The following CAMTA1 variants were observed in gnomAD, a reference collection of about 807,000 sequenced individuals.
CAMTA1 encodes calmodulin-binding transcription activator 1.
A neutral mutation model predicts 170.9 loss-of-function variants in CAMTA1; 27 were observed. The ratio of observed to expected loss-of-function variants is 0.16; its 90% CI spans 0.12 to 0.22. The LOEUF (loss-of-function observed/expected upper bound fraction) is 0.22. Ranked by LOEUF, CAMTA1 falls within the 10% of genes least tolerant of loss-of-function variation. The pLI is 1.00. For synonymous variants in CAMTA1, 833 were observed against 891.5 expected (o/e 0.93, Z 1.17); for missense variants, 1,619 against 2,217.2 (o/e 0.73, Z 5.42).
chr1:7,479,914 TG>T (rs973714213), intron 6 of CAMTA1, among the ~76,000 whole-genome samples: 32 of 120,910 alleles, frequency 2.6e-4, no homozygotes, highest in African/African-American at 1.2e-3. Flanking sequence ...TGTGTGTGCA[TG>T]TGTGTGAATG....
intron 4 of CAMTA1, among the ~76,000 whole-genome samples, chr1:7,166,722 A>G (rs1648524883): frequency 6.6e-6 from 1 of 150,404 alleles, no homozygotes; most frequent in African/African-American, 2.5e-5. Flanking sequence ...TGCTCTATGC[A>G]TTACAACTGT....
At chr1:7,390,900 C>T (rs1353098310) in intron 5 of CAMTA1, among the ~76,000 whole-genome samples, 1 of 152,258 alleles carries the variant, frequency 6.6e-6, no homozygotes, top group South Asian at 2.1e-4. Context: ...CATTTCTACA[C>T]TTTCATGAGA....
At chr1:7,276,030 G>C (rs1226975141) in intron 5 of CAMTA1, among the ~76,000 whole-genome samples, 2 of 151,370 alleles carry the variant, frequency 1.3e-5, no homozygotes, top group African/African-American at 4.9e-5. Context: ...TAAGTAAAAA[G>C]GATAATACAC....
intron 5 of CAMTA1, among the ~76,000 whole-genome samples, chr1:7,363,933 G>A (rs2085767827): frequency 6.6e-6 from 1 of 152,196 alleles, no homozygotes; most frequent in South Asian, 2.1e-4. Flanking sequence ...ATGCCTGATA[G>A]AGAGTCACAG....
rs909017842 is a variant in CAMTA1 at position 7,547,414 on chromosome 1, G to A, written c.510+79513G>A. Among the ~76,000 whole-genome samples the A allele has an allele frequency of 2.0e-5, 3 of 150,968 alleles. No individual in the cohort carries two copies. Among genetic ancestry groups the A allele is most frequent in the African/African-American group, 4.9e-5 (2 of 40,814 alleles). On this transcript the variant is annotated intron_variant, in intron 6 of 22. Transcript: ENST00000303635. This position sits in a 1 kb window ranked among gnomAD's most constrained non-coding sequence, Gnocchi z 5.7. Reference sequence around the variant, plus strand: ...CAGAGTTGGCCTTCCACATTCATGAGTTTCGCATCCGTGGATTCAACCAAC... The same window carrying A: ...CAGAGTTGGCCTTCCACATTCATGAATTTCGCATCCGTGGATTCAACCAAC...
rs1254465287 is a variant in CAMTA1, at chr1:7,674,117, C to T, written c.2779+3080C>T. Among the ~76,000 whole-genome samples, 1 of 152,176 alleles carries T rather than the reference C, an allele frequency of 6.6e-6. No homozygotes were observed. The highest frequency in any genetic ancestry group is 2.4e-5 in the African/African-American group (1 of 41,438). On this transcript the variant is annotated intron_variant, in intron 10 of 22. Transcript: ENST00000303635. The surrounding 1 kb of genome is among the most constrained non-coding windows in gnomAD (Gnocchi z 4.1). ...GAGGCTTATGAGCACAAGCCAGGAA[C>T]GACACGGGAGGAGGGGGCACTGGCA...
At chr1:6,785,811 C>T (rs1396901189) in intron 1 of CAMTA1, among the ~76,000 whole-genome samples, 4 of 11,636 alleles carry the variant, frequency 3.4e-4, no homozygotes, top group Non-Finnish European at 7.8e-4. Flanking sequence ...CCCCCGGGGG[C>T]GGGCTGGGGC....
chr1:7,746,194 C>A, intron 18 of CAMTA1, 103 bp downstream of exon 18: 1 of 1,384,632 alleles, frequency 7.2e-7, no homozygotes. Flanking sequence ...TTCTTTTTTT[C>A]CTCTGAATTT....
At chr1:7,687,508 T>C (rs1368714041) in intron 11 of CAMTA1, among the ~76,000 whole-genome samples, 2 of 152,038 alleles carry the variant, frequency 1.3e-5, no homozygotes, top group Non-Finnish European at 2.9e-5. Flanking sequence ...AGTCACAGCC[T>C]TCCACAGTGT....
rs1051324272 is a variant in CAMTA1 at position 7,732,384 on chromosome 1, A to T, written c.2915-64A>T. 2 of 1,452,034 alleles carry T rather than the reference A, an allele frequency of 1.4e-6. No individual in the cohort carries two copies. The highest frequency in any genetic ancestry group is 3.4e-5 in the Admixed American group (2 of 59,008). The allele number at this position is 1,452,034 out of a possible 1,614,324, so 89.9% of individuals were successfully genotyped here. ...GGATGCTGGTCCCGCAAGGCTGGCG[A>T]GGCCACGTGTTGACTGCTTTTCTTC... On this transcript the variant is annotated intron_variant, in intron 11 of 22. Transcript: ENST00000303635. The surrounding 1 kb of genome is among the most constrained non-coding windows in gnomAD (Gnocchi z 4.1).
At chr1:7,157,450 A>G (rs1344519297) in intron 4 of CAMTA1, among the ~76,000 whole-genome samples, 1 of 152,094 alleles carries the variant, frequency 6.6e-6, no homozygotes, top group East Asian at 1.9e-4. Flanking sequence ...AAAGGTAGCT[A>G]TCAAAAGTCT....
chr1:7,134,383 T>G (rs1282630256), intron 4 of CAMTA1, among the ~76,000 whole-genome samples: 1 of 152,154 alleles, frequency 6.6e-6, no homozygotes, highest in Non-Finnish European at 1.5e-5. Context: ...CAGCCTTGAC[T>G]TCTTGGGCTC....
At chr1:7,709,513 A>G (rs1338734573) in intron 11 of CAMTA1, among the ~76,000 whole-genome samples, 1 of 152,248 alleles carries the variant, frequency 6.6e-6, no homozygotes, top group Non-Finnish European at 1.5e-5. Context: ...TGTGGATGTG[A>G]ATCTAAAGCC....
At position 7,611,929 on chromosome 1, in the gene CAMTA1, T is replaced by C. The variant is rs1389093275; in HGVS notation, c.511-28471T>C. Reference sequence around the variant, plus strand: ...CAAGAGACTTGCAACGGGGTATGGCTCATTTTCTTGGCAGCTGCCATGCGC... The same window carrying C: ...CAAGAGACTTGCAACGGGGTATGGCCCATTTTCTTGGCAGCTGCCATGCGC... On this transcript the variant is annotated intron_variant, in intron 6 of 22. Coordinates refer to ENST00000303635, the MANE Select transcript of CAMTA1 (RefSeq NM_015215.4). Among the ~76,000 whole-genome samples the C allele has an allele frequency of 2.0e-5, 3 of 152,212 alleles. No homozygotes were observed. In the East Asian group the frequency reaches 5.8e-4, roughly 29 times the overall value.
chr1:6,805,609 G>T (rs1225005367), intron 1 of CAMTA1, among the ~76,000 whole-genome samples: 1 of 152,136 alleles, frequency 6.6e-6, no homozygotes, highest in Non-Finnish European at 1.5e-5. Flanking sequence ...GGGCTTAAGC[G>T]GTCCTCCCAC....
At chr1:7,363,386 C>T (rs183239294) in intron 5 of CAMTA1, among the ~76,000 whole-genome samples, 1 of 152,050 alleles carries the variant, frequency 6.6e-6, no homozygotes, top group African/African-American at 2.4e-5. Flanking sequence ...CGTTGCAGGA[C>T]ATTTGATGTA....
chr1:7,117,040 C>G (rs1644375891), intron 4 of CAMTA1, among the ~76,000 whole-genome samples: 1 of 151,916 alleles, frequency 6.6e-6, no homozygotes, highest in African/African-American at 2.4e-5. Flanking sequence ...ACAGTCTCGG[C>G]TCACTGCATC....
intron 6 of CAMTA1, among the ~76,000 whole-genome samples, chr1:7,568,607 C>G (rs2095078538): frequency 6.7e-6 from 1 of 149,894 alleles, no homozygotes; most frequent in African/African-American, 2.5e-5. Flanking sequence ...ATCACCACAT[C>G]ACCATCATCA....
chr1:7,369,638 G>A (rs2086281799), intron 5 of CAMTA1, among the ~76,000 whole-genome samples: 1 of 152,088 alleles, frequency 6.6e-6, no homozygotes, highest in South Asian at 2.1e-4. Context: ...GTGTGTCGGT[G>A]TCGCCAACCA....
Sources: gnomAD v4.1 joint callset for allele counts (sites outside exome capture counted in the v4.1 genomes callset) on GRCh38, gnomAD v4.1.1 for gene constraint, Gnocchi (gnomAD v3.1) non-coding constraint, MANE v1.5 for transcripts, NCBI Gene and HGNC (gene_info 2026-07-23, HGNC 2026-07-21) for gene names.